FOXRED1: variants seen among roughly 807,000 people sequenced by gnomAD.
FOXRED1 encodes the protein FAD-dependent oxidoreductase domain-containing protein 1.
FOXRED1 carries 52 observed loss-of-function variants against 57.8 expected under a neutral mutation model. The ratio of observed to expected loss-of-function variants is 0.90; its 90% CI spans 0.72 to 1.13. The LOEUF (loss-of-function observed/expected upper bound fraction) is 1.13, where lower values mean the gene tolerates loss of function less well. Ranked by LOEUF, FOXRED1 falls within the 50% of genes most tolerant of loss-of-function variation. The probability of loss-of-function intolerance (pLI) is 0.00; values close to 1 mark genes in which losing one functional copy is unlikely to be tolerated. For missense variants in FOXRED1, 589 were observed against 625.2 expected (o/e 0.94, Z 0.62); for synonymous variants, 271 against 248.3 (o/e 1.09, Z -0.86).
chr11:126,270,474 T>C (rs1950953468), intron 1 of FOXRED1, among the ~76,000 whole-genome samples: 1 of 152,144 alleles, frequency 6.6e-6, no homozygotes, highest in Non-Finnish European at 1.5e-5. Context: ...GTCCAAGAGA[T>C]CATGTAGAGT....
At position 126,275,941 on chromosome 11, in the gene FOXRED1, G is replaced by C; in HGVS notation, c.810+71G>C. 2 of 1,553,450 alleles carry C rather than the reference G, an allele frequency of 1.3e-6. No homozygotes were observed. The highest frequency in any genetic ancestry group is 1.8e-6 in the Non-Finnish European group (2 of 1,125,418). ...GGAAGGTAGTGACTCTCCTTGTTTT[G>C]GTTTTCTTTGACCCACTTTCCAGTA... On this transcript the variant is annotated intron_variant, in intron 7 of 10. Transcript: ENST00000263578. The surrounding 1 kb of genome is among the most constrained non-coding windows in gnomAD (Gnocchi z 5.9).
Position 126,274,880 on chromosome 11 carries a change from C to T in FOXRED1, c.537-47C>T, listed in dbSNP as rs1049169282. On this transcript the variant is annotated intron_variant, in intron 4 of 10. Transcript: ENST00000263578. The surrounding 1 kb of genome is among the most constrained non-coding windows in gnomAD (Gnocchi z 4.8). ...GGGGTCCATACATCATCCCCCTGCACACTCCCCTCTCTGACACACATACAC... is the reference window on the plus strand; with the variant it reads ...GGGGTCCATACATCATCCCCCTGCATACTCCCCTCTCTGACACACATACAC... 3 of 1,109,968 alleles carry T rather than the reference C, an allele frequency of 2.7e-6. No individual in the cohort carries two copies. Among genetic ancestry groups the T allele is most frequent in the Non-Finnish European group, 2.8e-6 (2 of 719,334 alleles). The allele number at this position is 1,109,968 out of a possible 1,614,324, so 68.8% of individuals were successfully genotyped here. A position where few individuals can be genotyped will look rare whatever the true frequency, so the allele number is the denominator to read the frequency against.
chr11:126,276,403 T>A lies in FOXRED1; in HGVS notation c.981T>A (p.Tyr327Ter). ...GCACTGGTTGTGGCAGGTATGTGTA[T>A]GTGTGGCACTGCCCCCAGGGACCAG... Reference protein sequence around the residue: ...LPVEPRKRYVYVWHCPQGPGL... With the variant: ...LPVEPRKRYV The change falls in exon 9 of 11, where the codon TAT becomes TAA. Residue 327 changes from tyrosine to a stop codon, truncating the protein, a stop_gained. Transcript: ENST00000263578. LOFTEE classifies it high-confidence loss of function. The A allele has an allele frequency of 7.0e-7, 1 of 1,437,618 alleles. No individual in the cohort carries two copies. 89.1% of individuals were successfully genotyped at this position (1,437,618 alleles called of 1,614,324 possible).
Position 126,277,313 on chromosome 11 carries a change from C to A in FOXRED1, c.1207-122C>A. On this transcript the variant is annotated intron_variant, in intron 10 of 10. Transcript: ENST00000263578. This position sits in a 1 kb window ranked among gnomAD's most constrained non-coding sequence, Gnocchi z 6.8. ...CAACTGCTAAGGAATTTCTTGGACA[C>A]ATCCCATCCCATAGACCCCTCAGCA... 2 of 1,322,342 alleles carry A rather than the reference C, an allele frequency of 1.5e-6. No individual in the cohort carries two copies. Among genetic ancestry groups the A allele is most frequent in the Non-Finnish European group, 2.2e-6 (2 of 916,810 alleles). 81.9% of individuals were successfully genotyped at this position (1,322,342 alleles called of 1,614,324 possible).
intron 9 of FOXRED1, 109 bp from the exon 10 acceptor site, chr11:126,276,962 A>C (rs1313658032): frequency 1.3e-6 from 1 of 778,638 alleles, no homozygotes; most frequent in African/African-American, 1.7e-5. Context: ...CCAGATTTGA[A>C]CTGGGACCAT....
rs1339257979 is a variant in FOXRED1, at chr11:126,273,562, G to A, written c.536+108G>A. On this transcript the variant is annotated intron_variant, in intron 4 of 10. Coordinates refer to ENST00000263578, the MANE Select transcript of FOXRED1 (RefSeq NM_017547.4). The surrounding 1 kb of genome is among the most constrained non-coding windows in gnomAD (Gnocchi z 5.9). Reference sequence around the variant, plus strand: ...TGGAGTTGATAAGACAGATCCCTGCGGTCTAGGACCTCAGTGTGTCAGGAA... The same window carrying A: ...TGGAGTTGATAAGACAGATCCCTGCAGTCTAGGACCTCAGTGTGTCAGGAA... The A allele has an allele frequency of 2.8e-5, 22 of 788,510 alleles. No individual in the cohort carries two copies. The highest frequency in any genetic ancestry group is 7.0e-5 in the Admixed American group (4 of 57,120). The allele number at this position is 788,510 out of a possible 1,614,324, so 48.8% of individuals were successfully genotyped here.
In FOXRED1 at chr11:126,277,395, A is replaced by G. The variant is rs1396010632; in HGVS notation, c.1207-40A>G. On this transcript the variant is annotated intron_variant, in intron 10 of 10. Coordinates refer to ENST00000263578, the MANE Select transcript of FOXRED1 (RefSeq NM_017547.4). This position sits in a 1 kb window ranked among gnomAD's most constrained non-coding sequence, Gnocchi z 6.8. The stretch of plus-strand genomic sequence containing the variant: ...AGGGGAGTGAGGATGGAGTGTGGCT[A>G]CAGCCTTCCCGAGAACCCCAGTGTT... The G allele has an allele frequency of 6.2e-6, 10 of 1,611,880 alleles. No homozygotes were observed. The highest frequency in any genetic ancestry group is 8.5e-6 in the Non-Finnish European group (10 of 1,179,240).
At position 126,273,388 on chromosome 11, in the gene FOXRED1, C is replaced by G. The variant is rs778727697; in HGVS notation, c.470C>G (p.Ser157Trp). The change falls in exon 4 of 11, where the codon TCG becomes TGG. Residue 157 changes from serine (S) to tryptophan (W), a missense_variant. Coordinates refer to ENST00000263578, the MANE Select transcript of FOXRED1 (RefSeq NM_017547.4). The surrounding 1 kb of genome is among the most constrained non-coding windows in gnomAD (Gnocchi z 5.9). The part of the protein sequence containing the change: ...APPLDLRFNP[S>W]GYLLLASEKD... ...CCCCTGGACCTCCGGTTCAACCCCT[C>G]GGGCTACCTCTTGCTGGCTTCAGAA... The G allele has an allele frequency of 5.8e-5, 93 of 1,613,910 alleles. No homozygotes were observed. Among genetic ancestry groups the G allele is most frequent in the Non-Finnish European group, 7.7e-5 (91 of 1,180,024 alleles).
rs149883459 is a variant in FOXRED1, at chr11:126,269,216, A to G, written c.10A>G (p.Arg4Gly). Reference protein sequence around the residue: MIRRVLPHGMGRGL... With the variant: MIRGVLPHGMGRGL... The stretch of plus-strand genomic sequence containing the variant: ...CGGGCTCAGAGGGGTTATGATTCGG[A>G]GGGTTCTGCCGCACGGCATGGGCCG... The change falls in exon 1 of 11, where the codon AGG (arginine) becomes GGG (glycine). Residue 4 changes from arginine to glycine, a missense_variant. Transcript: ENST00000263578. The G allele has an allele frequency of 6.8e-5, 109 of 1,613,540 alleles. No homozygotes were observed. In the East Asian group the frequency reaches 2.3e-3, roughly 34 times the overall value.
rs750646991 is a variant in FOXRED1 at position 126,275,307 on chromosome 11, TTC to T, written c.632-16_632-15del. 3 of 1,546,496 alleles carry T rather than the reference TTC, an allele frequency of 1.9e-6. No individual in the cohort carries two copies. The South Asian group carries it at 3.3e-5, about 17-fold the overall frequency. On this transcript the variant is annotated intron_variant, in intron 5 of 10. Coordinates refer to ENST00000263578, the MANE Select transcript of FOXRED1 (RefSeq NM_017547.4). The surrounding 1 kb of genome is among the most constrained non-coding windows in gnomAD (Gnocchi z 5.9). ...AGAAGTCCTCATCCCTCTTTGTGAG[TTC>T]TCTTTTTCTTATCACAGGGATGGAG...
chr11:126,272,755 T>G lies in FOXRED1; in HGVS notation c.307-214T>G. ...ATTTTGTACCACTGTGTCAGCTCTT[T>G]CCAGATGACTGACCCTCTCTGCTCT... On this transcript the variant is annotated intron_variant, in intron 2 of 10. Transcript: ENST00000263578. This position sits in a 1 kb window ranked among gnomAD's most constrained non-coding sequence, Gnocchi z 4.6. The G allele has an allele frequency of 1.6e-6, 1 of 622,528 alleles. No individual in the cohort carries two copies. Among genetic ancestry groups the G allele is most frequent in the Middle Eastern group, 4.2e-4 (1 of 2,362 alleles). 38.6% of individuals were successfully genotyped at this position (622,528 alleles called of 1,614,324 possible).
At position 126,277,668 on chromosome 11, in the gene FOXRED1, C is replaced by T. The variant is rs1951195287; in HGVS notation, c.1440C>T (p.Ile480=). The change falls in exon 11 of 11, where the codon ATC becomes ATT. Residue 480 remains isoleucine (I), a synonymous_variant. Coordinates refer to ENST00000263578, the MANE Select transcript of FOXRED1 (RefSeq NM_017547.4). This position sits in a 1 kb window ranked among gnomAD's most constrained non-coding sequence, Gnocchi z 6.8. ...CCCGCTTTTACTTGGGAGAGAAGAT[C>T]CAGGAGAACAACATCATCTGAGCAT... ...LFTRFYLGEK[I]QENNII The T allele has an allele frequency of 1.2e-6, 2 of 1,613,632 alleles. No homozygotes were observed. Among genetic ancestry groups the T allele is most frequent in the East Asian group, 2.2e-5 (1 of 44,882 alleles).
Position 126,275,092 on chromosome 11 carries a change from G to T in FOXRED1, c.631+71G>T. On this transcript the variant is annotated intron_variant, in intron 5 of 10. Coordinates refer to ENST00000263578, the MANE Select transcript of FOXRED1 (RefSeq NM_017547.4). The surrounding 1 kb of genome is among the most constrained non-coding windows in gnomAD (Gnocchi z 5.9). ...GACTAAGGGGTGCTACACGTTGGGA[G>T]TCTCGGTACTCCACAGCCAAGCTGA... 9.5e-7 allele frequency: 1 copy of T among 1,050,782 alleles called. No individual in the cohort carries two copies. The allele number at this position is 1,050,782 out of a possible 1,614,324, so 65.1% of individuals were successfully genotyped here. A position where few individuals can be genotyped will look rare whatever the true frequency, so the allele number is the denominator to read the frequency against.
In FOXRED1 at chr11:126,277,874, G is replaced by C. The variant is rs1295820568; in HGVS notation, c.*185G>C. ...ACAGGCAGTGAGGCCGAGGCCAATA[G>C]CGAGTGATGAGCGGGATCCTAGGAC... On this transcript the variant is annotated 3_prime_UTR_variant, in exon 11 of 11. Transcript: ENST00000263578. The surrounding 1 kb of genome is among the most constrained non-coding windows in gnomAD (Gnocchi z 6.8). 5.6e-6 allele frequency: 4 copies of C among 715,610 alleles called. No homozygotes were observed. Among genetic ancestry groups the C allele is most frequent in the Non-Finnish European group, 1.0e-5 (4 of 398,540 alleles). 44.3% of individuals were successfully genotyped at this position (715,610 alleles called of 1,614,324 possible).
intron 1 of FOXRED1, 130 bp downstream of exon 1, chr11:126,269,421 C>T: frequency 6.4e-7 from 1 of 1,555,164 alleles, no homozygotes; most frequent in Non-Finnish European, 8.7e-7. Context: ...AGGGGGTTAG[C>T]TTACCTACCA....
At chr11:126,270,569 G>C (rs1043929918) in intron 1 of FOXRED1, among the ~76,000 whole-genome samples, 2 of 152,302 alleles carry the variant, frequency 1.3e-5, no homozygotes, top group Admixed American at 1.3e-4. Flanking sequence ...AAAGCAGAGA[G>C]CATATGTAGG....
intron 1 of FOXRED1, among the ~76,000 whole-genome samples, chr11:126,269,986 CAAAAA>C (rs58199526): frequency 5.5e-5 from 4 of 72,330 alleles, no homozygotes; most frequent in African/African-American, 4.7e-5. Context: ...AACTCCGTCT[CAAAAA>C]AAAAAAAAAA....
rs778830646 is a variant in FOXRED1, at chr11:126,271,508, C to T, written c.157C>T (p.Leu53=). ...SILPGRSCDL[L]QDTSHLPPEH... is the part of the protein sequence containing the mutation. ...CCTGCCTGGAAGGTCCTGTGATCTA[C>T]TGCAAGACACCAGCCACCTGCCTCC... is the stretch of plus-strand genomic sequence containing the variant. The change falls in exon 2 of 11, where the codon CTG becomes TTG. Residue 53 remains leucine (L), a synonymous_variant. Transcript: ENST00000263578. The surrounding 1 kb of genome is among the most constrained non-coding windows in gnomAD (Gnocchi z 5.3). 1.2e-6 allele frequency: 2 copies of T among 1,614,210 alleles called. No individual in the cohort carries two copies. The highest frequency in any genetic ancestry group is 1.7e-6 in the Non-Finnish European group (2 of 1,180,022).
At position 126,277,886 on chromosome 11, in the gene FOXRED1, C is replaced by T. The variant is rs778988626; in HGVS notation, c.*197C>T. 16 of 701,570 alleles carry T rather than the reference C, an allele frequency of 2.3e-5. No homozygotes were observed. The highest frequency in any genetic ancestry group is 9.0e-5 in the South Asian group (6 of 66,856). The allele number at this position is 701,570 out of a possible 1,614,324, so 43.5% of individuals were successfully genotyped here. A position where few individuals can be genotyped will look rare whatever the true frequency, so the allele number is the denominator to read the frequency against. On this transcript the variant is annotated 3_prime_UTR_variant, in exon 11 of 11. Transcript: ENST00000263578. The surrounding 1 kb of genome is among the most constrained non-coding windows in gnomAD (Gnocchi z 6.8). Reference sequence around the variant, plus strand: ...GCCGAGGCCAATAGCGAGTGATGAGCGGGATCCTAGGACTGATCTGTAGCC... The same window carrying T: ...GCCGAGGCCAATAGCGAGTGATGAGTGGGATCCTAGGACTGATCTGTAGCC...
Sources: allele counts gnomAD v4.1 joint callset (sites outside exome capture counted in the v4.1 genomes callset), GRCh38; gene constraint gnomAD v4.1.1; non-coding constraint Gnocchi (gnomAD v3.1); transcripts MANE v1.5; gene names NCBI Gene and HGNC (gene_info 2026-07-23, HGNC 2026-07-21).